Variants in PDZRN3 observed in about 807,000 individuals in gnomAD.
The protein encoded by PDZRN3 is PDZ domain containing ring finger 3.
A neutral mutation model predicts 85.7 loss-of-function variants in PDZRN3; 38 were observed. The ratio of observed to expected loss-of-function variants is 0.44; its 90% CI spans 0.34 to 0.58. The LOEUF is 0.58. Among genes scored for constraint, PDZRN3 ranks in the 20% least tolerant of loss-of-function variants. PDZRN3 has a pLI of 0.01. For synonymous variants in PDZRN3, 759 were observed against 638.0 expected (o/e 1.19, Z -2.86); for missense variants, 1,629 against 1,506.4 (o/e 1.08, Z -1.35).
chr3:73,588,379 G>A (rs1202395749), intron 3 of PDZRN3, among the ~76,000 whole-genome samples: 1 of 152,052 alleles, frequency 6.6e-6, no homozygotes, highest in East Asian at 1.9e-4. Context: ...TTGTAAACAG[G>A]TAACACCACT....
intron 6 of PDZRN3, among the ~76,000 whole-genome samples, chr3:73,390,404 A>C (rs1206896647): frequency 2.0e-5 from 3 of 152,170 alleles, no homozygotes; most frequent in African/African-American, 4.8e-5. Context: ...ATAATTATTA[A>C]GTCTAGTAGA....
intron 3 of PDZRN3, among the ~76,000 whole-genome samples, chr3:73,535,025 C>T (rs1704744125): frequency 6.6e-6 from 1 of 151,478 alleles, no homozygotes; most frequent in Non-Finnish European, 1.5e-5. Flanking sequence ...TGCAATGTGC[C>T]TTGTGAAGTC....
At chr3:73,587,271 C>CT (rs906748175) in intron 3 of PDZRN3, among the ~76,000 whole-genome samples, 1 of 152,156 alleles carries the variant, frequency 6.6e-6, no homozygotes, top group African/African-American at 2.4e-5. Flanking sequence ...TCGCATGAAA[C>CT]TTTTTTTCCA....
intron 8 of PDZRN3, 145 bp downstream of exon 8, chr3:73,387,823 C>G (rs1701429460): frequency 1.7e-6 from 1 of 591,714 alleles, no homozygotes; most frequent in Middle Eastern, 2.8e-4. Context: ...AAAGTGAATT[C>G]TGAATCACAG....
chr3:73,416,890 T>TTTTTTTTTTTTTTTTTG (rs1702099622), intron 3 of PDZRN3, among the ~76,000 whole-genome samples: 3 of 139,958 alleles, frequency 2.1e-5, no homozygotes, highest in African/African-American at 8.4e-5. Flanking sequence ...TTTTTTTTTT[T>TTTTTTTTTTTTTTTTTG]TTTTTTTTTT....
At chr3:73,473,840 C>T (rs9858527) in intron 3 of PDZRN3, among the ~76,000 whole-genome samples, 176 of 152,298 alleles carry the variant, frequency 1.2e-3, no homozygotes, top group African/African-American at 4.0e-3. Context: ...CCCCAGTCAA[C>T]ATCCTAACAC....
intron 3 of PDZRN3, among the ~76,000 whole-genome samples, chr3:73,484,332 T>C (rs553357721): frequency 3.9e-5 from 6 of 152,290 alleles, no homozygotes; most frequent in Non-Finnish European, 8.8e-5. Flanking sequence ...AGCAGACGCA[T>C]GGGTGATTTG....
rs1216806897 is a variant in PDZRN3 at position 73,382,533 on chromosome 3, C to CTGTT, written c.*828_*831dup. ...AATAATTTATTTTAACTTCATTTTACTGTTTGTAACTAATCATGATTTTGT... is the reference window on the plus strand; with the variant it reads ...AATAATTTATTTTAACTTCATTTTACTGTTTGTTTGTAACTAATCATGATTTTGT... On this transcript the variant is annotated 3_prime_UTR_variant, in exon 10 of 10. Coordinates refer to ENST00000263666, the MANE Select transcript of PDZRN3 (RefSeq NM_015009.3). 2.0e-5 allele frequency: 3 copies of CTGTT among 152,666 alleles called. No homozygotes were observed. Among genetic ancestry groups the CTGTT allele is most frequent in the Non-Finnish European group, 4.4e-5 (3 of 68,044 alleles). 9.5% of individuals were successfully genotyped at this position (152,666 alleles called of 1,614,324 possible).
At chr3:73,417,889 T>C (rs58146829) in intron 3 of PDZRN3, among the ~76,000 whole-genome samples, 5,169 of 152,256 alleles carry the variant, frequency 0.034, 308 homozygotes, top group African/African-American at 0.12. Context: ...TCTGGAAATA[T>C]TGGCTTTGCA....
At chr3:73,559,064 C>T (rs1233460931) in intron 3 of PDZRN3, among the ~76,000 whole-genome samples, 1 of 152,156 alleles carries the variant, frequency 6.6e-6, no homozygotes, top group African/African-American at 2.4e-5. Flanking sequence ...CTCAATAAGA[C>T]CCCAGGCACA....
chr3:73,510,899 A>G (rs1206258326), intron 3 of PDZRN3, among the ~76,000 whole-genome samples: 1 of 152,238 alleles, frequency 6.6e-6, no homozygotes, highest in African/African-American at 2.4e-5. Flanking sequence ...AAAATACCTT[A>G]TGATAGGTAC....
At chr3:73,587,556 G>A (rs1019509465) in intron 3 of PDZRN3, among the ~76,000 whole-genome samples, 4 of 152,164 alleles carry the variant, frequency 2.6e-5, no homozygotes, top group African/African-American at 9.7e-5. Flanking sequence ...TTATCAAAGA[G>A]GGATTCCCCA....
At chr3:73,390,190 T>C (rs985110119) in intron 6 of PDZRN3, among the ~76,000 whole-genome samples, 2 of 152,220 alleles carry the variant, frequency 1.3e-5, no homozygotes, top group African/African-American at 4.8e-5. Flanking sequence ...AAATCAATGA[T>C]GTAGAACAGG....
chr3:73,514,845 C>A (rs920085693), intron 3 of PDZRN3, among the ~76,000 whole-genome samples: 1 of 152,204 alleles, frequency 6.6e-6, no homozygotes, highest in African/African-American at 2.4e-5. Context: ...CAAAGACAAG[C>A]ATTTCACCTG....
rs540011665 is a variant in PDZRN3, at chr3:73,405,669, G to A, written c.919-1274C>T. ...GCAATTCCTGAGTTTAAATCTCTTA[G>A]ATTAATAGTCCACTCTTGCAATGTG... On this transcript the variant is annotated intron_variant, in intron 3 of 9. Coordinates refer to ENST00000263666, the MANE Select transcript of PDZRN3 (RefSeq NM_015009.3). Among the ~76,000 whole-genome samples, 18 of 152,258 alleles carry A rather than the reference G, an allele frequency of 1.2e-4. No individual in the cohort carries two copies. The South Asian group carries it at 3.5e-3, about 30-fold the overall frequency.
intron 3 of PDZRN3, among the ~76,000 whole-genome samples, chr3:73,549,229 A>G (rs1233063987): frequency 6.6e-6 from 1 of 152,182 alleles, no homozygotes; most frequent in African/African-American, 2.4e-5. Flanking sequence ...AGGAATTGCT[A>G]ATATAACAAT....
At chr3:73,433,720 G>A (rs931925370) in intron 3 of PDZRN3, 34 of 1,535,922 alleles carry the variant, frequency 2.2e-5, no homozygotes, top group African/African-American at 6.8e-5. Flanking sequence ...TTAGAAAAAC[G>A]TCAAAGGAAG....
chr3:73,541,214 G>C (rs1704913478), intron 3 of PDZRN3, among the ~76,000 whole-genome samples: 1 of 152,130 alleles, frequency 6.6e-6, no homozygotes, highest in South Asian at 2.1e-4. Flanking sequence ...AAAGCTTACT[G>C]AAAGACCTGA....
At chr3:73,395,324 A>G (rs1488527826) in intron 5 of PDZRN3, among the ~76,000 whole-genome samples, 1 of 152,238 alleles carries the variant, frequency 6.6e-6, no homozygotes, top group Non-Finnish European at 1.5e-5. Flanking sequence ...TGTGATGGAG[A>G]TAAGATTTCA....
Sources: allele counts gnomAD v4.1 joint callset (sites outside exome capture counted in the v4.1 genomes callset), GRCh38; gene constraint gnomAD v4.1.1; transcripts MANE v1.5; gene names NCBI Gene and HGNC (gene_info 2026-07-23, HGNC 2026-07-21).